UTP20: variants seen among roughly 807,000 people sequenced by gnomAD.
UTP20 encodes UTP20 small subunit processome component.
In UTP20, 164 loss-of-function variants were observed where a neutral mutation model predicts 329.5. The ratio of observed to expected loss-of-function variants is 0.50; its 90% CI spans 0.44 to 0.57. The LOEUF (loss-of-function observed/expected upper bound fraction) is 0.57. Ranked by LOEUF, UTP20 falls within the 20% of genes least tolerant of loss-of-function variation. The pLI, the probability that UTP20 is intolerant of heterozygous loss-of-function variation, is 0.00. For missense variants in UTP20, 3,055 were observed against 3,284.2 expected, an observed-to-expected ratio of 0.93 and a Z score of 1.71; for synonymous variants, 1,151 against 1,159.3, an observed-to-expected ratio of 0.99 and a Z score of 0.14.
chr12:101,294,242 A>G (rs1872272064), intron 11 of UTP20, among the ~76,000 whole-genome samples: 1 of 151,940 alleles, frequency 6.6e-6, no homozygotes. Context: ...TCACCATGTT[A>G]GCCAGGATGG....
chr12:101,353,471 C>A (rs1001909957), intron 40 of UTP20, among the ~76,000 whole-genome samples: 1 of 151,990 alleles, frequency 6.6e-6, no homozygotes, highest in Non-Finnish European at 1.5e-5. Context: ...ATTAAAGCAG[C>A]AATTGGTGAA....
chr12:101,309,525 AT>A (rs1320728001), intron 18 of UTP20, among the ~76,000 whole-genome samples: 3 of 152,236 alleles, frequency 2.0e-5, no homozygotes, highest in African/African-American at 7.2e-5. Flanking sequence ...CCTGGAGTGA[AT>A]TTGAATACTA....
At chr12:101,298,349 C>T (rs1398121990) in intron 12 of UTP20, among the ~76,000 whole-genome samples, 1 of 152,026 alleles carries the variant, frequency 6.6e-6, no homozygotes, top group Non-Finnish European at 1.5e-5. Context: ...AGAGAGGGAA[C>T]GTTTGGTCCA....
At position 101,282,151 on chromosome 12, in the gene UTP20, G is replaced by A. The variant is rs79570013; in HGVS notation, c.126+955G>A. ...ACTATAATCAGACTCCACTCGCTGG[G>A]TCTTTGAATGCATTATCTCCACTGT... On this transcript the variant is annotated intron_variant, in intron 2 of 61. Coordinates refer to ENST00000261637, the MANE Select transcript of UTP20 (RefSeq NM_014503.3). Among the ~76,000 whole-genome samples, 810 of 152,288 alleles carry A rather than the reference G, an allele frequency of 5.3e-3. 6 individuals are homozygous for A. The highest frequency in any genetic ancestry group is 0.018 in the African/African-American group (753 of 41,566).
chr12:101,355,740 C>T (rs1000997210), intron 41 of UTP20, among the ~76,000 whole-genome samples: 8 of 152,074 alleles, frequency 5.3e-5, no homozygotes, highest in African/African-American at 1.9e-4. Flanking sequence ...ATTTTGCTAA[C>T]TCCTGGTATA....
Position 101,338,146 on chromosome 12 carries a change from A to T in UTP20, c.3737A>T (p.Asp1246Val). ...ATTCTCTCAGCGAAGAATCTTTCTG[A>T]TGCCACAGCCAGTATTGTAATGGAC... is the stretch of plus-strand genomic sequence containing the variant. ...FAILSAKNLS[D>V]ATASIVMDIV... Residue 1246 changes from aspartate (D) to valine (V), a missense_variant, in exon 30 of 62, where the codon GAT becomes GTT. Physicochemically the swap from Asp to Val is radical, Grantham distance 152 (BLOSUM62 -3). Transcript: ENST00000261637. 1 of 1,614,180 alleles carries T rather than the reference A, an allele frequency of 6.2e-7. No homozygotes were observed. The highest frequency in any genetic ancestry group is 8.5e-7 in the Non-Finnish European group (1 of 1,180,020).
Position 101,383,280 on chromosome 12 carries a change from G to C in UTP20, c.7896G>C (p.Leu2632=), listed in dbSNP as rs745311743. 2 of 1,613,838 alleles carry C rather than the reference G, an allele frequency of 1.2e-6. No homozygotes were observed. The highest frequency in any genetic ancestry group is 1.7e-6 in the Non-Finnish European group (2 of 1,180,012). ...LIQKLSRIAK[L]EAAYSPRNPL... ...AGAAGCTGTCCCGGATTGCAAAACT[G>C]GAAGCTGCTTATTCGCCGAGAAACC... The change falls in exon 59 of 62, where the codon CTG becomes CTC. Residue 2632 remains leucine, a synonymous_variant. Coordinates refer to ENST00000261637, the MANE Select transcript of UTP20 (RefSeq NM_014503.3).
intron 8 of UTP20, 49 bp from the exon 9 acceptor site, chr12:101,291,693 A>T (rs1013912818): frequency 2.6e-5 from 39 of 1,497,438 alleles, no homozygotes; most frequent in East Asian, 2.1e-4. Context: ...TTGGATTAAC[A>T]GTTGAGTTTG....
rs545130300 is a variant in UTP20, at chr12:101,311,770, G to A, written c.2283G>A (p.Glu761=). 1.9e-5 allele frequency: 31 copies of A among 1,612,876 alleles called. No individual in the cohort carries two copies. The highest frequency in any genetic ancestry group is 2.6e-5 in the Non-Finnish European group (31 of 1,179,818). ...AGCAATTTTGGAAAGTCTACTATGA[G>A]CATCTAGAAAAAGCAGCTACGCATG... is the stretch of plus-strand genomic sequence containing the variant. ...ENKQFWKVYY[E]HLEKAATHAE... is the part of the protein sequence containing the mutation. The change falls in exon 20 of 62, where the codon GAG becomes GAA. Residue 761 remains glutamate, a synonymous_variant. Transcript: ENST00000261637.
intron 60 of UTP20, 74 bp downstream of exon 60, chr12:101,383,743 T>C: frequency 7.8e-7 from 1 of 1,282,396 alleles, no homozygotes; most frequent in Non-Finnish European, 1.0e-6. Context: ...TGTTTCCTTC[T>C]TCCTTTCTGT....
intron 15 of UTP20, 24 bp from the exon 16 acceptor site, chr12:101,305,891 G>A (rs754396280): frequency 6.3e-7 from 1 of 1,576,666 alleles, no homozygotes; most frequent in Non-Finnish European, 8.6e-7. Context: ...GTACAGTTTG[G>A]GTCTAATGAA....
intron 11 of UTP20, among the ~76,000 whole-genome samples, chr12:101,294,286 C>T (rs777995801): frequency 6.6e-6 from 1 of 152,084 alleles, no homozygotes; most frequent in Admixed American, 6.6e-5. Flanking sequence ...CTGCCTGCCT[C>T]GGCCAGCTAT....
intron 21 of UTP20, among the ~76,000 whole-genome samples, chr12:101,313,425 G>T (rs1299316295): frequency 6.6e-6 from 1 of 151,988 alleles, no homozygotes; most frequent in Non-Finnish European, 1.5e-5. Flanking sequence ...TTGGTGAAAT[G>T]AGAAGCCATT....
Position 101,356,986 on chromosome 12 carries a change from A to G in UTP20, c.5595A>G (p.Ala1865=). 6.2e-7 allele frequency: 1 copy of G among 1,614,146 alleles called. No individual in the cohort carries two copies. Among genetic ancestry groups the G allele is most frequent in the Non-Finnish European group, 8.5e-7 (1 of 1,179,990 alleles). The change falls in exon 43 of 62, where the codon GCA becomes GCG. Residue 1865 remains alanine, a synonymous_variant. Coordinates refer to ENST00000261637, the MANE Select transcript of UTP20 (RefSeq NM_014503.3). ...KNRAQEIRDI[A]RSTLAKIIED... is the part of the protein sequence containing the mutation. ...GAGCCCAAGAAATCAGAGACATTGC[A>G]CGCAGCACTCTTGCGAAAATAATAG...
intron 12 of UTP20, among the ~76,000 whole-genome samples, chr12:101,297,564 C>G (rs1481869164): frequency 6.6e-6 from 1 of 152,316 alleles, no homozygotes; most frequent in Non-Finnish European, 1.5e-5. Context: ...CAAATTGCTT[C>G]TCTATTAAAA....
chr12:101,309,056 G>A (rs557444074), intron 18 of UTP20, among the ~76,000 whole-genome samples: 5 of 152,162 alleles, frequency 3.3e-5, no homozygotes, highest in Admixed American at 6.5e-5. Flanking sequence ...TTTATATCAG[G>A]GTTTTCATTC....
Position 101,312,018 on chromosome 12 carries a change from C to T in UTP20, c.2312-18C>T, listed in dbSNP as rs751874226. 3.1e-6 allele frequency: 5 copies of T among 1,613,740 alleles called. No homozygotes were observed. The highest frequency in any genetic ancestry group is 3.3e-5 in the Admixed American group (2 of 59,984). On this transcript the variant is annotated intron_variant, in intron 20 of 61. Coordinates refer to ENST00000261637, the MANE Select transcript of UTP20 (RefSeq NM_014503.3). ...GTTGATATTTGTCTGGTGGTTATGACAACTTTCTTTCTTGCAGAGAAGGAA... is the reference window on the plus strand; with the variant it reads ...GTTGATATTTGTCTGGTGGTTATGATAACTTTCTTTCTTGCAGAGAAGGAA...
At chr12:101,354,751 G>A (rs913661500) in intron 40 of UTP20, 81 bp from the exon 41 acceptor site, 30 of 1,455,238 alleles carry the variant, frequency 2.1e-5, no homozygotes, top group Non-Finnish European at 2.2e-5. Context: ...GAAGTTGGAC[G>A]TTGGTGGGAA....
At chr12:101,353,464 A>C (rs1869607590) in intron 40 of UTP20, among the ~76,000 whole-genome samples, 1 of 152,234 alleles carries the variant, frequency 6.6e-6, no homozygotes, top group Non-Finnish European at 1.5e-5. Flanking sequence ...ATTAAAAATT[A>C]AAGCAGCAAT....
Sources: allele counts gnomAD v4.1 joint callset (sites outside exome capture counted in the v4.1 genomes callset), GRCh38; gene constraint gnomAD v4.1.1; transcripts MANE v1.5; gene names NCBI Gene and HGNC (gene_info 2026-07-23, HGNC 2026-07-21).